OR1C1: variants seen among roughly 807,000 people sequenced by gnomAD.
The protein encoded by OR1C1 is olfactory receptor family 1 subfamily C member 1.
For missense variants in OR1C1, 407 were observed against 384.3 expected, an observed-to-expected ratio of 1.06 and a Z score of -0.49; for synonymous variants, 153 against 154.6, an observed-to-expected ratio of 0.99 and a Z score of 0.08.
In OR1C1 at chr1:247,756,707, T is replaced by C. The variant is rs1311407934; in HGVS notation, c.*755A>G. On this transcript the variant is annotated 3_prime_UTR_variant, in exon 2 of 2. Transcript: ENST00000641256. The surrounding 1 kb of genome is among the most constrained non-coding windows in gnomAD (Gnocchi z 4.3). Reference sequence around the variant, plus strand: ...GCAAGATAAAATAAAACCCAAGGGATTGGGCATGAGGCTTTGTTTTGAAAG... The same window carrying C: ...GCAAGATAAAATAAAACCCAAGGGACTGGGCATGAGGCTTTGTTTTGAAAG... 6.6e-6 allele frequency: 1 copy of C among 152,178 alleles called. No homozygotes were observed. Among genetic ancestry groups the C allele is most frequent in the Admixed American group, 6.5e-5 (1 of 15,268 alleles). 9.4% of individuals were successfully genotyped at this position (152,178 alleles called of 1,614,324 possible). A position where few individuals can be genotyped will look rare whatever the true frequency, so the allele number is the denominator to read the frequency against.
chr1:247,759,840 A>G (rs771885147), intron 1 of OR1C1, among the ~76,000 whole-genome samples: 1 of 152,240 alleles, frequency 6.6e-6, no homozygotes, highest in Non-Finnish European at 1.5e-5. Flanking sequence ...GAAGCATGTC[A>G]GGATAAAATC....
chr1:247,755,500 G>A lies in OR1C1; in HGVS notation c.*1962C>T, dbSNP rs946529325. Reference sequence around the variant, plus strand: ...TAACACAATTTTTAAAAAGAGCAAAGTACTTGAATAGACATTTCTCACAAG... The same window carrying A: ...TAACACAATTTTTAAAAAGAGCAAAATACTTGAATAGACATTTCTCACAAG... On this transcript the variant is annotated 3_prime_UTR_variant, in exon 2 of 2. Transcript: ENST00000641256. The A allele has an allele frequency of 6.6e-6, 1 of 152,034 alleles. No individual in the cohort carries two copies. Among genetic ancestry groups the A allele is most frequent in the Non-Finnish European group, 1.5e-5 (1 of 67,976 alleles). 9.4% of individuals were successfully genotyped at this position (152,034 alleles called of 1,614,324 possible). A position where few individuals can be genotyped will look rare whatever the true frequency, so the allele number is the denominator to read the frequency against.
Position 247,758,311 on chromosome 1 carries a change from G to A in OR1C1, c.96C>T (p.Leu32=). Residue 32 remains leucine (L), a synonymous_variant, in exon 2 of 2, where the codon CTC becomes CTT. Coordinates refer to ENST00000641256, the MANE Select transcript of OR1C1 (RefSeq NM_012353.3). ...EQQHLLSVLF[L]CMYLATTLGN... ...CCAAGGTGGTGGCTAAATACATACAGAGAAAGAGCACAGACAGGAGGTGCT... is the reference window on the plus strand; with the variant it reads ...CCAAGGTGGTGGCTAAATACATACAAAGAAAGAGCACAGACAGGAGGTGCT... 6.2e-7 allele frequency: 1 copy of A among 1,613,926 alleles called. No homozygotes were observed. Among genetic ancestry groups the A allele is most frequent in the South Asian group, 1.1e-5 (1 of 91,054 alleles).
intron 1 of OR1C1, among the ~76,000 whole-genome samples, chr1:247,759,646 G>A (rs951624946): frequency 2.0e-5 from 3 of 152,066 alleles, no homozygotes; most frequent in Non-Finnish European, 4.4e-5. Flanking sequence ...TAATATACAT[G>A]TTCTGGTTTT....
rs983965419 is a variant in OR1C1, at chr1:247,757,356, G to A, written c.*106C>T. The stretch of plus-strand genomic sequence containing the variant: ...TGCTTAACACGATTTCCAGCATAAG[G>A]GAGACATTTAATAGCAGTTGGTTTC... On this transcript the variant is annotated 3_prime_UTR_variant, in exon 2 of 2. Transcript: ENST00000641256. 7 of 798,164 alleles carry A rather than the reference G, an allele frequency of 8.8e-6. No individual in the cohort carries two copies. Among genetic ancestry groups the A allele is most frequent in the South Asian group, 3.4e-5 (2 of 59,178 alleles). 49.4% of individuals were successfully genotyped at this position (798,164 alleles called of 1,614,324 possible).
Position 247,756,966 on chromosome 1 carries a change from T to C in OR1C1, c.*496A>G, listed in dbSNP as rs1400002678. On this transcript the variant is annotated 3_prime_UTR_variant, in exon 2 of 2. Coordinates refer to ENST00000641256, the MANE Select transcript of OR1C1 (RefSeq NM_012353.3). This position sits in a 1 kb window ranked among gnomAD's most constrained non-coding sequence, Gnocchi z 4.3. ...GACTGTATTTGAAGTGAGAGGGGATTGGAGGAAAGCATACATACTTTAAAA... is the reference window on the plus strand; with the variant it reads ...GACTGTATTTGAAGTGAGAGGGGATCGGAGGAAAGCATACATACTTTAAAA... 1 of 154,626 alleles carries C rather than the reference T, an allele frequency of 6.5e-6. No homozygotes were observed. Among genetic ancestry groups the C allele is most frequent in the African/African-American group, 2.4e-5 (1 of 41,440 alleles). 9.6% of individuals were successfully genotyped at this position (154,626 alleles called of 1,614,324 possible).
At chr1:247,759,297 C>G (rs1432658291) in intron 1 of OR1C1, among the ~76,000 whole-genome samples, 1 of 152,188 alleles carries the variant, frequency 6.6e-6, no homozygotes, top group Non-Finnish European at 1.5e-5. Context: ...TACTTTCCTT[C>G]AGCAAACATT....
rs1445578479 is a variant in OR1C1 at position 247,760,476 on chromosome 1, A to G, written c.-78T>C. 6.6e-6 allele frequency: 1 copy of G among 152,220 alleles called. No homozygotes were observed. The highest frequency in any genetic ancestry group is 1.5e-5 in the Non-Finnish European group (1 of 68,028). 9.4% of individuals were successfully genotyped at this position (152,220 alleles called of 1,614,324 possible). On this transcript the variant is annotated 5_prime_UTR_variant, in exon 1 of 2. Transcript: ENST00000641256. ...CCTGAATATCCAATCACAAAAGCAT[A>G]GATGGACCTATGCATTGATTCAGAT... is the stretch of plus-strand genomic sequence containing the variant.
At chr1:247,759,696 G>T in intron 1 of OR1C1, among the ~76,000 whole-genome samples, 1 of 152,134 alleles carries the variant, frequency 6.6e-6, no homozygotes, top group East Asian at 1.9e-4. Flanking sequence ...ACACAATGCA[G>T]TGTATTTGTT....
In OR1C1 at chr1:247,755,571, T is replaced by C. The variant is rs1227873315; in HGVS notation, c.*1891A>G. 1 of 152,030 alleles carries C rather than the reference T, an allele frequency of 6.6e-6. No homozygotes were observed. The highest frequency in any genetic ancestry group is 1.5e-5 in the Non-Finnish European group (1 of 67,992). 9.4% of individuals were successfully genotyped at this position (152,030 alleles called of 1,614,324 possible). A position where few individuals can be genotyped will look rare whatever the true frequency, so the allele number is the denominator to read the frequency against. On this transcript the variant is annotated 3_prime_UTR_variant, in exon 2 of 2. Transcript: ENST00000641256. ...AGATATGAAAAAATGCTCAAAATCGTTATTCATAAGGGAAATGCCAATTAA... is the reference window on the plus strand; with the variant it reads ...AGATATGAAAAAATGCTCAAAATCGCTATTCATAAGGGAAATGCCAATTAA...
Position 247,757,610 on chromosome 1 carries a change from T to TG in OR1C1, c.796dup (p.His266ProfsTer4), listed in dbSNP as rs1222904542. 1 of 1,613,768 alleles carries TG rather than the reference T, an allele frequency of 6.2e-7. No homozygotes were observed. The highest frequency in any genetic ancestry group is 8.5e-7 in the Non-Finnish European group (1 of 1,179,958). On this transcript the variant is annotated frameshift_variant, in exon 2 of 2. Transcript: ENST00000641256. LOFTEE classifies it low-confidence loss of function (END_TRUNC). Reference sequence around the variant, plus strand: ...TGACAGAGTGTCGCTCTCAGGCATATGGGGGGATGAAGGGCTGAAATAGAC... The same window carrying TG: ...TGACAGAGTGTCGCTCTCAGGCATATGGGGGGGATGAAGGGCTGAAATAGAC...
chr1:247,757,474 A>G lies in OR1C1; in HGVS notation c.933T>C (p.Phe311=), dbSNP rs781686105. 1 of 1,612,600 alleles carries G rather than the reference A, an allele frequency of 6.2e-7. No homozygotes were observed. Among genetic ancestry groups the G allele is most frequent in the Non-Finnish European group, 8.5e-7 (1 of 1,179,118 alleles). Residue 311 remains phenylalanine (F), a synonymous_variant, in exon 2 of 2, where the codon TTT becomes TTC. Coordinates refer to ENST00000641256, the MANE Select transcript of OR1C1 (RefSeq NM_012353.3). ...LQKMLLKCTV[F]QQQ The stretch of plus-strand genomic sequence containing the variant: ...GTCACTGAGGTCATTATTGCTGCTG[A>G]AAGACTGTGCACTTGAGAAGCATTT...
chr1:247,757,647 T>A lies in OR1C1; in HGVS notation c.760A>T (p.Thr254Ser), dbSNP rs756660335. Residue 254 changes from threonine to serine, a missense_variant, in exon 2 of 2, where the codon ACA becomes TCA. Coordinates refer to ENST00000641256, the MANE Select transcript of OR1C1 (RefSeq NM_012353.3). ...GGGCTGAAATAGACGGCGATGGCTG[T>A]GCCGTAAAACAACACCACCACTGAC... is the stretch of plus-strand genomic sequence containing the variant. The part of the protein sequence containing the change: ...HLSVVVLFYG[T>S]AIAVYFSPSS... 2 of 1,614,062 alleles carry A rather than the reference T, an allele frequency of 1.2e-6. No homozygotes were observed. Among genetic ancestry groups the A allele is most frequent in the Admixed American group, 3.3e-5 (2 of 59,980 alleles).
chr1:247,760,316 C>G lies in OR1C1; in HGVS notation c.-14+96G>C, dbSNP rs562390149. On this transcript the variant is annotated intron_variant, in intron 1 of 1. Transcript: ENST00000641256. ...GTTAGTCCACCATTGAAATGCTTAACAGCTTCGTCAAAAAACTTCCATGCA... is the reference window on the plus strand; with the variant it reads ...GTTAGTCCACCATTGAAATGCTTAAGAGCTTCGTCAAAAAACTTCCATGCA... 5.3e-5 allele frequency: 8 copies of G among 152,282 alleles called. No individual in the cohort carries two copies. The East Asian group carries it at 1.5e-3, about 29-fold the overall frequency. The allele number at this position is 152,282 out of a possible 1,614,324, so 9.4% of individuals were successfully genotyped here.
At chr1:247,759,286 G>A (rs1390786416) in intron 1 of OR1C1, among the ~76,000 whole-genome samples, 1 of 152,116 alleles carries the variant, frequency 6.6e-6, no homozygotes, top group Non-Finnish European at 1.5e-5. Context: ...CATGTAATCC[G>A]TACTTTCCTT....
At chr1:247,759,929 G>C (rs898585362) in intron 1 of OR1C1, among the ~76,000 whole-genome samples, 3 of 152,126 alleles carry the variant, frequency 2.0e-5, no homozygotes, top group Admixed American at 6.5e-5. Flanking sequence ...TCCTTCCCCT[G>C]TAGGCACTAT....
Position 247,757,304 on chromosome 1 carries a change from G to T in OR1C1, c.*158C>A. 1.7e-6 allele frequency: 1 copy of T among 603,744 alleles called. No individual in the cohort carries two copies. The highest frequency in any genetic ancestry group is 2.1e-5 in the South Asian group (1 of 47,408). The allele number at this position is 603,744 out of a possible 1,614,324, so 37.4% of individuals were successfully genotyped here. On this transcript the variant is annotated 3_prime_UTR_variant, in exon 2 of 2. Transcript: ENST00000641256. The stretch of plus-strand genomic sequence containing the variant: ...TATGGTTTTTATATATTTACTCAGA[G>T]GATTTAATGTGATAATTCATATAAA...
rs1238120300 is a variant in OR1C1 at position 247,757,796 on chromosome 1, C to A, written c.611G>T (p.Gly204Val). Residue 204 changes from glycine (G) to valine (V), a missense_variant, in exon 2 of 2, where the codon GGT (glycine) becomes GTT (valine). Transcript: ENST00000641256. ...FNVMIIFAVG[G>V]LLALTPLVCI... Reference sequence around the variant, plus strand: ...GACAAGGGGCGTGAGAGCCAATAGACCTCCTACTGCAAAAATGATCATTAC... The same window carrying A: ...GACAAGGGGCGTGAGAGCCAATAGAACTCCTACTGCAAAAATGATCATTAC... 5 of 1,613,936 alleles carry A rather than the reference C, an allele frequency of 3.1e-6. No homozygotes were observed. The highest frequency in any genetic ancestry group is 1.6e-4 in the Middle Eastern group (1 of 6,062).
In OR1C1 at chr1:247,758,453, G is replaced by A. The variant is rs1479832660; in HGVS notation, c.-13-34C>T. 3.6e-6 allele frequency: 4 copies of A among 1,103,140 alleles called. No homozygotes were observed. The African/African-American group carries it at 6.2e-5, about 17-fold the overall frequency. The allele number at this position is 1,103,140 out of a possible 1,614,324, so 68.3% of individuals were successfully genotyped here. A position where few individuals can be genotyped will look rare whatever the true frequency, so the allele number is the denominator to read the frequency against. ...ATAAGTTATTAAATTGTAAAAGCCA[G>A]CAGTGTTAAGTCTCTTATTCATGAG... On this transcript the variant is annotated intron_variant, in intron 1 of 1. Coordinates refer to ENST00000641256, the MANE Select transcript of OR1C1 (RefSeq NM_012353.3).
Sources: gnomAD v4.1 joint callset for allele counts (sites outside exome capture counted in the v4.1 genomes callset) on GRCh38, gnomAD v4.1.1 for gene constraint, Gnocchi (gnomAD v3.1) non-coding constraint, MANE v1.5 for transcripts, NCBI Gene and HGNC (gene_info 2026-07-23, HGNC 2026-07-21) for gene names.